Variants in SMYD3 observed in about 807,000 individuals in gnomAD.
SMYD3 encodes histone-lysine N-methyltransferase SMYD3.
SMYD3 carries 36 observed loss-of-function variants against 57.7 expected under a neutral mutation model. That is an observed-to-expected ratio of 0.62 (90% CI 0.48 to 0.82). The LOEUF is 0.82. Among genes scored for constraint, SMYD3 ranks in the 40% least tolerant of loss-of-function variants. The pLI, the probability that SMYD3 is intolerant of heterozygous loss-of-function variation, is 0.00. For missense variants in SMYD3, 515 were observed against 538.8 expected (o/e 0.96, Z 0.44); for synonymous variants, 211 against 195.0 (o/e 1.08, Z -0.68).
chr1:246,036,084 A>T (rs2059768306), intron 5 of SMYD3, among the ~76,000 whole-genome samples: 1 of 152,222 alleles, frequency 6.6e-6, no homozygotes, highest in Non-Finnish European at 1.5e-5. Flanking sequence ...GAAGAAAAAA[A>T]TTTAAGAAAC....
At chr1:246,399,954 C>T (rs2066740814) in intron 1 of SMYD3, among the ~76,000 whole-genome samples, 1 of 152,150 alleles carries the variant, frequency 6.6e-6, no homozygotes, top group Non-Finnish European at 1.5e-5. Context: ...GTCCTCAAAA[C>T]TCTGACATTA....
intron 1 of SMYD3, 76 bp downstream of exon 1, chr1:246,506,978 G>GCCCCCCCCCCCCCC: frequency 2.6e-6 from 3 of 1,174,508 alleles, no homozygotes; most frequent in Non-Finnish European, 1.1e-6. Context: ...CGCGGCTGCC[G>GCCCCCCCCCCCCCC]GCCGCCCGAC....
intron 5 of SMYD3, among the ~76,000 whole-genome samples, chr1:246,263,246 T>C (rs188673690): frequency 6.6e-6 from 1 of 152,316 alleles, no homozygotes; most frequent in Non-Finnish European, 1.5e-5. Flanking sequence ...GTTATTTCAC[T>C]TTTCTGAGGC....
chr1:245,758,538 C>T (rs2045705667), intron 11 of SMYD3, among the ~76,000 whole-genome samples: 1 of 152,070 alleles, frequency 6.6e-6, no homozygotes, highest in Admixed American at 6.5e-5. Context: ...TCAGCTTGGG[C>T]AGTTTCAATT....
intron 5 of SMYD3, among the ~76,000 whole-genome samples, chr1:245,993,579 AAGATAGATAGATAGATAGAT>A (rs1210624302): frequency 3.6e-4 from 11 of 30,140 alleles, no homozygotes; most frequent in African/African-American, 7.3e-4. Flanking sequence ...AAAAAAAAAA[AAGATAGATAGATAGATAGAT>A]AGATAGATAG....
chr1:246,296,056 T>C (rs748440361), intron 5 of SMYD3, among the ~76,000 whole-genome samples: 17 of 152,178 alleles, frequency 1.1e-4, no homozygotes, highest in Non-Finnish European at 1.5e-5. Context: ...TGCTTTCATC[T>C]AGAAAATGTT....
chr1:245,926,659 A>G (rs564602095), intron 7 of SMYD3, among the ~76,000 whole-genome samples: 4 of 152,356 alleles, frequency 2.6e-5, no homozygotes, highest in African/African-American at 7.2e-5. Context: ...GCCTAGGAAA[A>G]TAGAAGAAAC....
chr1:245,829,876 A>G (rs2049733783), intron 10 of SMYD3, among the ~76,000 whole-genome samples: 1 of 152,160 alleles, frequency 6.6e-6, no homozygotes, highest in Non-Finnish European at 1.5e-5. Flanking sequence ...AAAAAAGCAA[A>G]TATTTTATAA....
At chr1:246,408,225 GATAA>G (rs2066901034) in intron 1 of SMYD3, among the ~76,000 whole-genome samples, 2 of 152,058 alleles carry the variant, frequency 1.3e-5, no homozygotes, top group Admixed American at 1.3e-4. Flanking sequence ...GACACCATTT[GATAA>G]ATAATTTTCC....
intron 5 of SMYD3, among the ~76,000 whole-genome samples, chr1:245,982,830 C>A (rs2058626128): frequency 2.0e-5 from 3 of 152,178 alleles, no homozygotes; most frequent in Admixed American, 6.5e-5. Flanking sequence ...TTCCTTATTT[C>A]TTTCGTAGCC....
chr1:245,999,064 G>C (rs2148140828), intron 5 of SMYD3, among the ~76,000 whole-genome samples: 1 of 152,174 alleles, frequency 6.6e-6, no homozygotes. Flanking sequence ...CTTAGAAATA[G>C]ATATGGTGCA....
intron 5 of SMYD3, chr1:245,947,478 T>G: frequency 4.4e-6 from 2 of 455,022 alleles, no homozygotes. Context: ...CACCGTATTT[T>G]AAAACATCAG....
At chr1:246,057,224 G>T (rs759603172) in intron 5 of SMYD3, among the ~76,000 whole-genome samples, 1 of 152,258 alleles carries the variant, frequency 6.6e-6, no homozygotes, top group East Asian at 1.9e-4. Flanking sequence ...AGAGGCATAC[G>T]AAATTCTCAA....
chr1:246,095,452 G>T (rs2060898148), intron 5 of SMYD3, among the ~76,000 whole-genome samples: 1 of 152,136 alleles, frequency 6.6e-6, no homozygotes, highest in Non-Finnish European at 1.5e-5. Flanking sequence ...GCAACGATAA[G>T]GTGCAGACAA....
chr1:246,159,948 G>A (rs2062088355), intron 5 of SMYD3, among the ~76,000 whole-genome samples: 1 of 152,190 alleles, frequency 6.6e-6, no homozygotes, highest in Admixed American at 6.5e-5. Context: ...GATTACAGGA[G>A]TGCACCACTT....
At chr1:246,238,661 A>T (rs1473118016) in intron 5 of SMYD3, among the ~76,000 whole-genome samples, 2 of 152,066 alleles carry the variant, frequency 1.3e-5, no homozygotes, top group Non-Finnish European at 2.9e-5. Flanking sequence ...GCTTTTCTTT[A>T]CTTTACCTGC....
intron 4 of SMYD3, among the ~76,000 whole-genome samples, chr1:246,327,544 T>C (rs1558403967): frequency 6.6e-6 from 1 of 152,218 alleles, no homozygotes; most frequent in East Asian, 1.9e-4. Flanking sequence ...GTCTGCAATG[T>C]AAGATCAAAC....
At chr1:246,375,688 C>G (rs2066264674) in intron 1 of SMYD3, among the ~76,000 whole-genome samples, 1 of 152,026 alleles carries the variant, frequency 6.6e-6, no homozygotes, top group African/African-American at 2.4e-5. Context: ...AAAAGATCGG[C>G]AATAATGTGA....
intron 5 of SMYD3, among the ~76,000 whole-genome samples, chr1:246,302,463 C>T (rs184723825): frequency 3.4e-3 from 510 of 152,144 alleles, no homozygotes; most frequent in African/African-American, 0.012. Flanking sequence ...TCACTGAAAA[C>T]TGCAGTGGGT....
Sources: allele counts gnomAD v4.1 joint callset (sites outside exome capture counted in the v4.1 genomes callset), GRCh38; gene constraint gnomAD v4.1.1; transcripts MANE v1.5; gene names NCBI Gene and HGNC (gene_info 2026-07-23, HGNC 2026-07-21).